The following TEX264 variants were observed in gnomAD, a reference collection of about 807,000 sequenced individuals.
TEX264 encodes the protein testis-expressed protein 264.
Under a neutral mutation model 23.4 loss-of-function variants are expected in TEX264, and 13 were observed. That is an observed-to-expected ratio of 0.56 (90% CI 0.36 to 0.88). The LOEUF (loss-of-function observed/expected upper bound fraction) is 0.88, where lower values mean the gene tolerates loss of function less well. Among genes scored for constraint, TEX264 ranks in the 40% least tolerant of loss-of-function variants. TEX264 has a pLI of 0.01. For missense variants in TEX264, 340 were observed against 406.8 expected, an observed-to-expected ratio of 0.84 and a Z score of 1.41; for synonymous variants, 159 against 170.0, an observed-to-expected ratio of 0.94 and a Z score of 0.50.
intron 3 of TEX264, among the ~76,000 whole-genome samples, chr3:51,696,511 C>T (rs1388996493): frequency 6.6e-6 from 1 of 152,234 alleles, no homozygotes; most frequent in East Asian, 1.9e-4. Context: ...CCTGTCTTCC[C>T]TCCGAGGTTG....
chr3:51,679,644 G>C (rs1702354273), intron 2 of TEX264, among the ~76,000 whole-genome samples: 1 of 152,178 alleles, frequency 6.6e-6, no homozygotes, highest in African/African-American at 2.4e-5. Context: ...ACCACAGAAG[G>C]CTGTTTGGAT....
At chr3:51,672,191 GTGGTTATTTCCTGGGCA>G (rs1702069806) in intron 1 of TEX264, 1 of 152,332 alleles carries the variant, frequency 6.6e-6, no homozygotes, top group African/African-American at 2.4e-5. Context: ...GGTTGGCTCA[GTGGTTATTTCCTGGGCA>G]GGGGTGACTG....
rs1702551549 is a variant in TEX264 at position 51,684,653 on chromosome 3, G to T, written c.480+19G>T. ...CATCAAGGTGAGGCACAGGCCTGGG[G>T]TGTGTGTGTTGGGGACAGCCAGGCC... On this transcript the variant is annotated intron_variant, in intron 3 of 4. Coordinates refer to ENST00000341333, the MANE Select transcript of TEX264 (RefSeq NM_015926.6). 4 of 1,612,192 alleles carry T rather than the reference G, an allele frequency of 2.5e-6. No homozygotes were observed. The highest frequency in any genetic ancestry group is 3.4e-6 in the Non-Finnish European group (4 of 1,178,382).
At chr3:51,698,359 C>T (rs568639178) in intron 3 of TEX264, among the ~76,000 whole-genome samples, 3 of 152,248 alleles carry the variant, frequency 2.0e-5, no homozygotes, top group African/African-American at 2.4e-5. Context: ...GAGAGCGGGG[C>T]GAATGCTATA....
At chr3:51,702,506 C>G (rs950874033) in intron 4 of TEX264, among the ~76,000 whole-genome samples, 1 of 152,146 alleles carries the variant, frequency 6.6e-6, no homozygotes, top group Non-Finnish European at 1.5e-5. Flanking sequence ...ATTCTCCCAC[C>G]CCCAACCTAG....
At chr3:51,694,028 T>TCCC (rs1702936540) in intron 3 of TEX264, among the ~76,000 whole-genome samples, 1 of 138,348 alleles carries the variant, frequency 7.2e-6, no homozygotes, top group African/African-American at 3.0e-5. Context: ...CCTTCCTTCC[T>TCCC]TCCTTCCTTC....
chr3:51,687,784 C>G (rs1049750968), intron 3 of TEX264, among the ~76,000 whole-genome samples: 13 of 152,090 alleles, frequency 8.5e-5, no homozygotes, highest in Non-Finnish European at 1.5e-5. Flanking sequence ...AGCTGCTGTC[C>G]CGGGAGTTGC....
intron 3 of TEX264, among the ~76,000 whole-genome samples, chr3:51,693,587 C>T (rs1338883938): frequency 6.8e-6 from 1 of 147,798 alleles, no homozygotes; most frequent in East Asian, 2.1e-4. Flanking sequence ...TCAAGCAATT[C>T]TTCTGCCTCA....
In TEX264 at chr3:51,704,232, G is replaced by T. The variant is rs1184531859; in HGVS notation, c.*216G>T. 9.7e-6 allele frequency: 4 copies of T among 411,484 alleles called. No homozygotes were observed. Among genetic ancestry groups the T allele is most frequent in the African/African-American group, 8.2e-5 (4 of 48,900 alleles). The allele number at this position is 411,484 out of a possible 1,614,324, so 25.5% of individuals were successfully genotyped here. On this transcript the variant is annotated 3_prime_UTR_variant, in exon 5 of 5. Transcript: ENST00000341333. ...GGACTATTTTCTGCACCAGCCCCCAGGGCTGCCACCCCTGTTGTGTCTTTT... is the reference window on the plus strand; with the variant it reads ...GGACTATTTTCTGCACCAGCCCCCATGGCTGCCACCCCTGTTGTGTCTTTT...
At chr3:51,684,222 C>T (rs979124773) in intron 2 of TEX264, 191 bp from the exon 3 acceptor site, 95 of 599,296 alleles carry the variant, frequency 1.6e-4, no homozygotes, top group Middle Eastern at 4.4e-4. Context: ...TCCTGTGGTA[C>T]GATGCCACAG....
At chr3:51,693,342 C>G (rs1702897741) in intron 3 of TEX264, among the ~76,000 whole-genome samples, 1 of 152,192 alleles carries the variant, frequency 6.6e-6, no homozygotes, top group South Asian at 2.1e-4. Context: ...CTGCAGTCTT[C>G]CCCAGGTTCC....
At chr3:51,679,258 A>C (rs1702340366) in intron 2 of TEX264, among the ~76,000 whole-genome samples, 1 of 152,208 alleles carries the variant, frequency 6.6e-6, no homozygotes, top group Non-Finnish European at 1.5e-5. Flanking sequence ...TGTGGGGGCT[A>C]ATTGATAATG....
chr3:51,682,878 A>G (rs1451066950), intron 2 of TEX264: 6 of 152,262 alleles, frequency 3.9e-5, no homozygotes, highest in Non-Finnish European at 8.8e-5. Context: ...CTTAGAAGTG[A>G]GAGCCTGGAA....
chr3:51,692,020 T>C (rs1702846796), intron 3 of TEX264, among the ~76,000 whole-genome samples: 1 of 152,172 alleles, frequency 6.6e-6, no homozygotes, highest in Non-Finnish European at 1.5e-5. Context: ...CCTCTCTGGC[T>C]TTACCCCACC....
At chr3:51,685,158 C>T (rs1702574290) in intron 3 of TEX264, among the ~76,000 whole-genome samples, 1 of 152,240 alleles carries the variant, frequency 6.6e-6, no homozygotes, top group South Asian at 2.1e-4. Flanking sequence ...ACTGGCAATG[C>T]TGGCAGCCCA....
chr3:51,681,064 C>T (rs1702413160), intron 2 of TEX264, among the ~76,000 whole-genome samples: 1 of 152,164 alleles, frequency 6.6e-6, no homozygotes, highest in African/African-American at 2.4e-5. Context: ...GCTGAGAGAC[C>T]TTCTAGGCTC....
chr3:51,675,020 G>T (rs144066522), intron 2 of TEX264, among the ~76,000 whole-genome samples: 1 of 152,312 alleles, frequency 6.6e-6, no homozygotes, highest in East Asian at 1.9e-4. Flanking sequence ...GGCCCTTGAG[G>T]GCTGAGAGGG....
At chr3:51,700,107 C>G (rs1209544632) in intron 4 of TEX264, among the ~76,000 whole-genome samples, 1 of 152,160 alleles carries the variant, frequency 6.6e-6, no homozygotes, top group Non-Finnish European at 1.5e-5. Context: ...GTGCCTTTCT[C>G]CAGGGCCAGC....
chr3:51,694,085 GTCCTTCCTTCCTTCCT>G (rs60670569), intron 3 of TEX264, among the ~76,000 whole-genome samples: 1,724 of 85,322 alleles, frequency 0.02, 17 homozygotes, highest in Non-Finnish European at 0.024. Flanking sequence ...CCTTCCGTCC[GTCCTTCCTTCCTTCCT>G]TCCTTCCTTC....
Sources: allele counts gnomAD v4.1 joint callset (sites outside exome capture counted in the v4.1 genomes callset), GRCh38; gene constraint gnomAD v4.1.1; transcripts MANE v1.5; gene names NCBI Gene and HGNC (gene_info 2026-07-23, HGNC 2026-07-21).